The following ERI3 variants were observed in gnomAD, a reference collection of about 807,000 sequenced individuals.
ERI3 encodes the protein ERI1 exoribonuclease 3.
A neutral mutation model predicts 44.4 loss-of-function variants in ERI3; 18 were observed. The ratio of observed to expected loss-of-function variants is 0.41; its 90% CI spans 0.28 to 0.60. The LOEUF is 0.60. Among genes scored for constraint, ERI3 ranks in the 20% least tolerant of loss-of-function variants. ERI3 has a pLI of 0.36. For missense variants in ERI3, 294 were observed against 435.5 expected (o/e 0.68, Z 2.89); for synonymous variants, 183 against 164.8 (o/e 1.11, Z -0.84).
chr1:44,325,327 G>A (rs191215048), intron 3 of ERI3, among the ~76,000 whole-genome samples: 3 of 151,342 alleles, frequency 2.0e-5, no homozygotes, highest in East Asian at 3.9e-4. Context: ...CGCACGCCTC[G>A]GTCTCCCAAA....
chr1:44,348,130 G>C (rs1377353959), intron 2 of ERI3, among the ~76,000 whole-genome samples: 1 of 152,072 alleles, frequency 6.6e-6, no homozygotes, highest in Non-Finnish European at 1.5e-5. Flanking sequence ...AACAGAGCAG[G>C]GCCTAAGCAG....
chr1:44,272,639 C>T (rs1035130540), intron 7 of ERI3, among the ~76,000 whole-genome samples: 20 of 151,856 alleles, frequency 1.3e-4, no homozygotes, highest in African/African-American at 4.6e-4. Flanking sequence ...GCCAGGAGTT[C>T]GAGACCAGCC....
chr1:44,233,205 C>A (rs1163425856), intron 8 of ERI3, among the ~76,000 whole-genome samples: 2 of 152,128 alleles, frequency 1.3e-5, no homozygotes, highest in East Asian at 3.9e-4. Context: ...ACTCTCTCTC[C>A]CTTCACCCAT....
intron 7 of ERI3, among the ~76,000 whole-genome samples, chr1:44,266,973 A>G (rs1645002134): frequency 6.6e-6 from 1 of 152,188 alleles, no homozygotes; most frequent in Non-Finnish European, 1.5e-5. Context: ...CACTGTAGCT[A>G]GTAAGAGAAG....
chr1:44,288,675 A>T (rs1250109065), intron 6 of ERI3, among the ~76,000 whole-genome samples: 1 of 152,208 alleles, frequency 6.6e-6, no homozygotes, highest in Non-Finnish European at 1.5e-5. Flanking sequence ...GCACAGGCAT[A>T]AGCTGTATAG....
intron 2 of ERI3, among the ~76,000 whole-genome samples, chr1:44,345,329 C>T (rs1646762433): frequency 6.6e-6 from 1 of 152,220 alleles, no homozygotes; most frequent in African/African-American, 2.4e-5. Flanking sequence ...CCACTTCCAC[C>T]TCCCCAGCCA....
rs1572091041 is a variant in ERI3 at position 44,241,778 on chromosome 1, A to G, written c.931+6161T>C. ...AGGAAGGTGGGGAAACAAAGATTGT[A>G]CTTCCTAAAGAATCAAACACACATA... On this transcript the variant is annotated intron_variant, in intron 8 of 8. Coordinates refer to ENST00000372257, the MANE Select transcript of ERI3 (RefSeq NM_024066.3). This position sits in a 1 kb window ranked among gnomAD's most constrained non-coding sequence, Gnocchi z 5.6. 4.2e-6 allele frequency: 1 copy of G among 240,898 alleles called. No homozygotes were observed. The highest frequency in any genetic ancestry group is 1.8e-4 in the East Asian group (1 of 5,492). The allele number at this position is 240,898 out of a possible 1,614,324, so 14.9% of individuals were successfully genotyped here. A position where few individuals can be genotyped will look rare whatever the true frequency, so the allele number is the denominator to read the frequency against.
At chr1:44,321,851 A>G (rs1646210584) in intron 3 of ERI3, among the ~76,000 whole-genome samples, 1 of 152,224 alleles carries the variant, frequency 6.6e-6, no homozygotes, top group Admixed American at 6.5e-5. Context: ...CAGTGTTTGG[A>G]GACCTACAGT....
chr1:44,323,245 G>C (rs183121113), intron 3 of ERI3, among the ~76,000 whole-genome samples: 12 of 152,334 alleles, frequency 7.9e-5, no homozygotes, highest in Admixed American at 2.6e-4. Context: ...ACAGGGGCTG[G>C]AGCAGGACTA....
chr1:44,257,355 A>G (rs372655866), intron 7 of ERI3, among the ~76,000 whole-genome samples: 1 of 144,926 alleles, frequency 6.9e-6, no homozygotes, highest in South Asian at 2.4e-4. Flanking sequence ...TCAGGACCCG[A>G]TCAGGAGACA....
chr1:44,282,151 A>G (rs1341294582), intron 7 of ERI3, among the ~76,000 whole-genome samples: 1 of 152,148 alleles, frequency 6.6e-6, no homozygotes, highest in East Asian at 1.9e-4. Flanking sequence ...TTCCTGATGC[A>G]ACCCACACCA....
At chr1:44,267,527 T>A (rs1323543314) in intron 7 of ERI3, among the ~76,000 whole-genome samples, 1 of 152,234 alleles carries the variant, frequency 6.6e-6, no homozygotes, top group Admixed American at 6.5e-5. Flanking sequence ...TATCTTTTTA[T>A]GACACTCCCC....
At position 44,232,901 on chromosome 1, in the gene ERI3, G is replaced by A. The variant is rs1360126626; in HGVS notation, c.932-11261C>T. On this transcript the variant is annotated intron_variant, in intron 8 of 8. Transcript: ENST00000372257. Reference sequence around the variant, plus strand: ...CTATTTAGTGAAAAAGAAGGGAAAAGTCATAGTTTCTGTCCTAGCAACGTA... The same window carrying A: ...CTATTTAGTGAAAAAGAAGGGAAAAATCATAGTTTCTGTCCTAGCAACGTA... Among the ~76,000 whole-genome samples, 3 of 152,152 alleles carry A rather than the reference G, an allele frequency of 2.0e-5. No homozygotes were observed. In the East Asian group the frequency reaches 5.8e-4, roughly 29 times the overall value.
At chr1:44,238,297 A>G (rs1000422378) in intron 8 of ERI3, among the ~76,000 whole-genome samples, 3 of 151,884 alleles carry the variant, frequency 2.0e-5, no homozygotes, top group Non-Finnish European at 4.4e-5. Flanking sequence ...GGAGAGACCA[A>G]TGAGGCAGCC....
chr1:44,240,444 G>A (rs1221808340), intron 8 of ERI3, among the ~76,000 whole-genome samples: 1 of 152,184 alleles, frequency 6.6e-6, no homozygotes, highest in Non-Finnish European at 1.5e-5. Context: ...CATGTCGCGT[G>A]TCTGCAGCTG....
At chr1:44,272,949 T>C (rs1311207268) in intron 7 of ERI3, among the ~76,000 whole-genome samples, 1 of 152,142 alleles carries the variant, frequency 6.6e-6, no homozygotes, top group Non-Finnish European at 1.5e-5. Flanking sequence ...ACTTTATCAT[T>C]ATATACCCAA....
chr1:44,250,189 A>G (rs1305031072), intron 7 of ERI3, among the ~76,000 whole-genome samples: 1 of 152,218 alleles, frequency 6.6e-6, no homozygotes, highest in East Asian at 1.9e-4. Context: ...AGCCCATCAA[A>G]TATTAAACAC....
chr1:44,353,033 G>A (rs916548111), intron 1 of ERI3, 108 bp from the exon 2 acceptor site: 1 of 1,563,750 alleles, frequency 6.4e-7, no homozygotes, highest in Middle Eastern at 1.7e-4. Flanking sequence ...CGGGATAACT[G>A]CTATCTATGT....
intron 8 of ERI3, among the ~76,000 whole-genome samples, chr1:44,243,076 TAG>T (rs1644476813): frequency 1.3e-5 from 2 of 152,224 alleles, no homozygotes; most frequent in East Asian, 3.8e-4. Flanking sequence ...GGACTCTTGA[TAG>T]ACACCCCACT....
Sources: gnomAD v4.1 joint callset for allele counts (sites outside exome capture counted in the v4.1 genomes callset) on GRCh38, gnomAD v4.1.1 for gene constraint, Gnocchi (gnomAD v3.1) non-coding constraint, MANE v1.5 for transcripts, NCBI Gene and HGNC (gene_info 2026-07-23, HGNC 2026-07-21) for gene names.